Variants in HECW2 observed in about 807,000 individuals in gnomAD.
HECW2 encodes E3 ubiquitin-protein ligase HECW2.
Under a neutral mutation model 175.2 loss-of-function variants are expected in HECW2, and 61 were observed. That is an observed-to-expected ratio of 0.35 (90% CI 0.28 to 0.43). HECW2 has a LOEUF of 0.43. HECW2 is among the 20% of genes least tolerant of loss of function. The pLI is 1.00. For synonymous variants in HECW2, 671 were observed against 731.0 expected (o/e 0.92, Z 1.32); for missense variants, 1,524 against 2,000.5 (o/e 0.76, Z 4.54).
intron 13 of HECW2, among the ~76,000 whole-genome samples, chr2:196,293,627 T>C (rs1468288573): frequency 6.6e-6 from 1 of 152,214 alleles, no homozygotes; most frequent in African/African-American, 2.4e-5. Context: ...AAACATGTTG[T>C]GGAGTCTCAC....
chr2:196,476,456 A>G (rs1686622064), intron 1 of HECW2, among the ~76,000 whole-genome samples: 1 of 152,082 alleles, frequency 6.6e-6, no homozygotes, highest in South Asian at 2.1e-4. Flanking sequence ...AAAAAAAAAA[A>G]AAGGCAGGCG....
At chr2:196,210,838 G>C (rs1445339501) in intron 28 of HECW2, among the ~76,000 whole-genome samples, 1 of 151,330 alleles carries the variant, frequency 6.6e-6, no homozygotes, top group Non-Finnish European at 1.5e-5. Flanking sequence ...TGGCCAGGGT[G>C]GTCTCAAACT....
In HECW2 at chr2:196,495,610, C is replaced by T. The variant is rs561665617; in HGVS notation, c.-35-62152G>A. ...GACAGAGACAAAAGGGCATTCCATG[C>T]GGTGGGAAAAGGCCAGACAGCATGT... On this transcript the variant is annotated intron_variant, in intron 1 of 28. Coordinates refer to ENST00000644978, the MANE Select transcript of HECW2 (RefSeq NM_001348768.2). Among the ~76,000 whole-genome samples, 9 of 152,154 alleles carry T rather than the reference C, an allele frequency of 5.9e-5. No individual in the cohort carries two copies. In the South Asian group the frequency reaches 1.5e-3, roughly 25 times the overall value.
chr2:196,203,277 G>T (rs545488199), intron 28 of HECW2, among the ~76,000 whole-genome samples: 1 of 152,174 alleles, frequency 6.6e-6, no homozygotes, highest in African/African-American at 2.4e-5. Context: ...TTTCAGAATT[G>T]CATTTGATAT....
chr2:196,446,711 C>T (rs1696195668), intron 1 of HECW2, among the ~76,000 whole-genome samples: 1 of 152,024 alleles, frequency 6.6e-6, no homozygotes, highest in Non-Finnish European at 1.5e-5. Context: ...TGATGCTTAC[C>T]ATTACTACAG....
At chr2:196,228,281 A>T in intron 21 of HECW2, 27 bp from the exon 22 acceptor site, 2 of 1,580,398 alleles carry the variant, frequency 1.3e-6, no homozygotes, top group East Asian at 2.2e-5. Context: ...CAAAAAGAAT[A>T]ATCTGTTACT....
At chr2:196,386,938 T>C (rs1045850577) in intron 2 of HECW2, among the ~76,000 whole-genome samples, 1 of 152,216 alleles carries the variant, frequency 6.6e-6, no homozygotes, top group Non-Finnish European at 1.5e-5. Flanking sequence ...AGCCTTGTTA[T>C]AGCTTATAAC....
At chr2:196,559,674 C>A (rs1425433476) in intron 1 of HECW2, among the ~76,000 whole-genome samples, 1 of 152,094 alleles carries the variant, frequency 6.6e-6, no homozygotes, top group African/African-American at 2.4e-5. Flanking sequence ...ATAACTTCGA[C>A]AATTTAGCCA....
At chr2:196,536,610 C>G (rs999899578) in intron 1 of HECW2, among the ~76,000 whole-genome samples, 1 of 152,162 alleles carries the variant, frequency 6.6e-6, no homozygotes, top group Non-Finnish European at 1.5e-5. Flanking sequence ...ATTTTGTTCC[C>G]AGACCCCCTC....
chr2:196,323,220 A>G (rs1310260679), intron 6 of HECW2, among the ~76,000 whole-genome samples: 1 of 152,246 alleles, frequency 6.6e-6, no homozygotes, highest in Non-Finnish European at 1.5e-5. Context: ...TAAAAGTATG[A>G]GGTTAAGATA....
chr2:196,242,027 C>T, intron 20 of HECW2, 57 bp downstream of exon 20: 2 of 1,545,298 alleles, frequency 1.3e-6, no homozygotes, highest in Non-Finnish European at 1.8e-6. Context: ...AGAGGCCCAA[C>T]TGTGCCCTCT....
intron 2 of HECW2, among the ~76,000 whole-genome samples, chr2:196,392,451 G>A (rs1694541641): frequency 1.3e-5 from 2 of 151,906 alleles, no homozygotes; most frequent in African/African-American, 4.8e-5. Context: ...ATGCTACATA[G>A]AGAAGTTTAA....
At chr2:196,356,951 G>A (rs543121704) in intron 2 of HECW2, among the ~76,000 whole-genome samples, 147 of 152,180 alleles carry the variant, frequency 9.7e-4, no homozygotes, top group Non-Finnish European at 1.8e-3. Flanking sequence ...TATGCACAGA[G>A]TGAACCCAGT....
At chr2:196,529,222 C>T (rs746814547) in intron 1 of HECW2, among the ~76,000 whole-genome samples, 1 of 152,154 alleles carries the variant, frequency 6.6e-6, no homozygotes, top group African/African-American at 2.4e-5. Flanking sequence ...GTGCTGCTAG[C>T]TGTGATCAAG....
chr2:196,441,916 T>G (rs1230125699), intron 1 of HECW2, among the ~76,000 whole-genome samples: 1 of 152,184 alleles, frequency 6.6e-6, no homozygotes, highest in African/African-American at 2.4e-5. Flanking sequence ...TCCTCCAGCC[T>G]GCTGCCCTTT....
At chr2:196,331,253 G>A in intron 4 of HECW2, 1 of 984,898 alleles carries the variant, frequency 1.0e-6, no homozygotes, top group Non-Finnish European at 1.2e-6. Flanking sequence ...AACATGTGTG[G>A]TTTATTATAT....
intron 17 of HECW2, among the ~76,000 whole-genome samples, chr2:196,270,980 C>T (rs531411930): frequency 1.2e-4 from 18 of 151,730 alleles, no homozygotes; most frequent in African/African-American, 3.6e-4. Context: ...AGGCGTGAGT[C>T]GCCGTGCCCG....
At chr2:196,535,043 A>G (rs1688971457) in intron 1 of HECW2, among the ~76,000 whole-genome samples, 1 of 143,308 alleles carries the variant, frequency 7.0e-6, no homozygotes, top group East Asian at 1.9e-4. Flanking sequence ...ACAAATTGTC[A>G]ATATAACAAA....
At chr2:196,235,381 T>A (rs1688209323) in intron 21 of HECW2, among the ~76,000 whole-genome samples, 1 of 152,040 alleles carries the variant, frequency 6.6e-6, no homozygotes, top group Admixed American at 6.6e-5. Flanking sequence ...ATTACAGGTG[T>A]GAGCCACCAC....
Sources: gnomAD v4.1 joint callset for allele counts (sites outside exome capture counted in the v4.1 genomes callset) on GRCh38, gnomAD v4.1.1 for gene constraint, MANE v1.5 for transcripts, NCBI Gene and HGNC (gene_info 2026-07-23, HGNC 2026-07-21) for gene names.